DCDC2: variants seen among roughly 807,000 people sequenced by gnomAD.
DCDC2 encodes the protein doublecortin domain-containing protein 2.
DCDC2 carries 40 observed loss-of-function variants against 50.2 expected under a neutral mutation model. The ratio of observed to expected loss-of-function variants is 0.80; its 90% CI spans 0.62 to 1.04. The LOEUF is 1.04. Among genes scored for constraint, DCDC2 ranks in the 50% least tolerant of loss-of-function variants. The pLI is 0.00. For missense variants in DCDC2, 570 were observed against 581.9 expected (o/e 0.98, Z 0.21); for synonymous variants, 234 against 210.6 (o/e 1.11, Z -0.96).
In DCDC2 at chr6:24,179,722, A is replaced by G. The variant is rs527930981; in HGVS notation, c.1024-1090T>C. On this transcript the variant is annotated intron_variant, in intron 8 of 9. Transcript: ENST00000378454. ...GTAATCCCAGCACTTTGGGAGGCCG[A>G]GGCGGGCAGATCACGAGGTCAGGAG... is the stretch of plus-strand genomic sequence containing the variant. Among the ~76,000 whole-genome samples the G allele has an allele frequency of 1.2e-4, 18 of 148,370 alleles. No homozygotes were observed. In the East Asian group the frequency reaches 2.1e-3, roughly 17 times the overall value.
chr6:24,313,274 C>T (rs1759603836), intron 2 of DCDC2, among the ~76,000 whole-genome samples: 1 of 152,006 alleles, frequency 6.6e-6, no homozygotes, highest in African/African-American at 2.4e-5. Context: ...TTCCCTAATG[C>T]TATGCTTAAG....
At chr6:24,239,512 C>G (rs969423749) in intron 7 of DCDC2, among the ~76,000 whole-genome samples, 4 of 152,204 alleles carry the variant, frequency 2.6e-5, no homozygotes, top group Non-Finnish European at 4.4e-5. Context: ...CCCTGTAACA[C>G]CGAGGCAGGC....
chr6:24,183,730 G>A (rs540665379), intron 8 of DCDC2, among the ~76,000 whole-genome samples: 15 of 152,244 alleles, frequency 9.9e-5, no homozygotes, highest in East Asian at 1.9e-4. Flanking sequence ...GAGAGTTCCC[G>A]GCATTCGGAG....
chr6:24,218,684 T>A (rs1762032763), intron 7 of DCDC2, among the ~76,000 whole-genome samples: 1 of 152,144 alleles, frequency 6.6e-6, no homozygotes, highest in Non-Finnish European at 1.5e-5. Context: ...AGATGAGGTC[T>A]CCCTACATTG....
At chr6:24,267,622 A>G (rs1044247824) in intron 7 of DCDC2, among the ~76,000 whole-genome samples, 23 of 152,220 alleles carry the variant, frequency 1.5e-4, no homozygotes, top group Non-Finnish European at 2.9e-4. Context: ...CAACCAAGAA[A>G]TAAGTATACA....
At chr6:24,194,383 A>G (rs554796287) in intron 8 of DCDC2, among the ~76,000 whole-genome samples, 1 of 152,346 alleles carries the variant, frequency 6.6e-6, no homozygotes, top group South Asian at 2.1e-4. Context: ...TACTTAGCAT[A>G]AAAACATTTT....
chr6:24,359,325 TTTA>T (rs1340819974), upstream of DCDC2, among the ~76,000 whole-genome samples: 1 of 61,016 alleles, frequency 1.6e-5, no homozygotes, highest in East Asian at 4.8e-4. Flanking sequence ...ATTTTATATT[TTTA>T]TATATATTAT....
At chr6:24,258,641 C>A (rs1046025589) in intron 7 of DCDC2, among the ~76,000 whole-genome samples, 5 of 152,192 alleles carry the variant, frequency 3.3e-5, no homozygotes, top group Non-Finnish European at 7.3e-5. Context: ...GAGAGCCAAT[C>A]CTTCAAGTTG....
chr6:24,267,383 T>TATGCCTGTATATGA (rs1763144786), intron 7 of DCDC2, among the ~76,000 whole-genome samples: 1 of 152,230 alleles, frequency 6.6e-6, no homozygotes, highest in African/African-American at 2.4e-5. Flanking sequence ...TTATTATGAA[T>TATGCCTGTATATGA]TATATGCCTG....
intron 9 of DCDC2, among the ~76,000 whole-genome samples, chr6:24,176,476 T>TA (rs35946558): frequency 0.27 from 41,404 of 151,962 alleles, 6,640 homozygotes; most frequent in East Asian, 0.76. Flanking sequence ...TTTTCCCCTT[T>TA]AAAAAAATAT....
chr6:24,192,765 T>G (rs1308116085), intron 8 of DCDC2, among the ~76,000 whole-genome samples: 1 of 151,828 alleles, frequency 6.6e-6, no homozygotes, highest in African/African-American at 2.4e-5. Context: ...GAGAGACAAT[T>G]AGATAATCAC....
chr6:24,375,425 C>G, the DCDC2 span, among the ~76,000 whole-genome samples: 6 of 152,216 alleles, frequency 3.9e-5, no homozygotes, highest in South Asian at 4.2e-4. Context: ...AAACTCCCCC[C>G]CCCAACCCCG....
At chr6:24,178,198 T>C (rs1245611787) in intron 9 of DCDC2, 132 bp downstream of exon 9, 7 of 868,508 alleles carry the variant, frequency 8.1e-6, no homozygotes, top group South Asian at 1.6e-5. Context: ...TTAAATGGTA[T>C]TGGATCTTTC....
At chr6:24,346,688 A>G (rs1008415982) in intron 2 of DCDC2, among the ~76,000 whole-genome samples, 1 of 151,340 alleles carries the variant, frequency 6.6e-6, no homozygotes, top group Admixed American at 6.6e-5. Context: ...CGGGAGGTAG[A>G]TGTTGCAGTG....
At chr6:24,234,735 G>A (rs1762408530) in intron 7 of DCDC2, among the ~76,000 whole-genome samples, 1 of 152,198 alleles carries the variant, frequency 6.6e-6, no homozygotes, top group African/African-American at 2.4e-5. Context: ...CAGTTTTAGA[G>A]TAGAAGACAG....
chr6:24,309,538 A>G (rs1479419347), intron 2 of DCDC2, among the ~76,000 whole-genome samples: 4 of 152,204 alleles, frequency 2.6e-5, no homozygotes, highest in Admixed American at 2.6e-4. Context: ...TGAGCCCTAG[A>G]GTACCTACTG....
intron 8 of DCDC2, among the ~76,000 whole-genome samples, chr6:24,203,618 A>G (rs1056560414): frequency 1.3e-5 from 2 of 152,234 alleles, no homozygotes; most frequent in African/African-American, 2.4e-5. Flanking sequence ...CAATGGCAAC[A>G]AAAGCCGAAA....
intron 7 of DCDC2, among the ~76,000 whole-genome samples, chr6:24,273,876 A>T (rs769301744): frequency 2.0e-5 from 3 of 152,212 alleles, no homozygotes; most frequent in Non-Finnish European, 4.4e-5. Flanking sequence ...ATATTCAGAC[A>T]TCCTTCTGCC....
chr6:24,225,803 C>T (rs1261894180), intron 7 of DCDC2, among the ~76,000 whole-genome samples: 4 of 152,092 alleles, frequency 2.6e-5, no homozygotes, highest in Non-Finnish European at 4.4e-5. Flanking sequence ...CCTAATTCAG[C>T]CTAAATGAAT....
Sources: gnomAD v4.1 joint callset for allele counts (sites outside exome capture counted in the v4.1 genomes callset) on GRCh38, gnomAD v4.1.1 for gene constraint, MANE v1.5 for transcripts, NCBI Gene and HGNC (gene_info 2026-07-23, HGNC 2026-07-21) for gene names.